SGK1: variants seen among roughly 807,000 people sequenced by gnomAD.
SGK1 encodes serum/glucocorticoid regulated kinase 1.
A neutral mutation model predicts 64.2 loss-of-function variants in SGK1; 26 were observed. The ratio of observed to expected loss-of-function variants is 0.40; its 90% CI spans 0.30 to 0.56. The LOEUF is 0.56. Ranked by LOEUF, SGK1 falls within the 20% of genes least tolerant of loss-of-function variation. SGK1 has a pLI of 0.38. For synonymous variants in SGK1, 265 were observed against 239.7 expected (o/e 1.11, Z -0.98); for missense variants, 519 against 645.6 (o/e 0.80, Z 2.12).
At chr6:134,250,476 G>A (rs573118736) in intron 2 of SGK1, among the ~76,000 whole-genome samples, 1 of 152,230 alleles carries the variant, frequency 6.6e-6, no homozygotes, top group Admixed American at 6.5e-5. Flanking sequence ...AAGACAAGGG[G>A]ATCTAACATC....
intron 2 of SGK1, among the ~76,000 whole-genome samples, chr6:134,246,358 T>C (rs78179581): frequency 0.082 from 12,353 of 151,426 alleles, 828 homozygotes; most frequent in East Asian, 0.26. Flanking sequence ...GGTTTCACCA[T>C]GTTGTTAGGG....
At chr6:134,304,160 G>A (rs1777500128) in intron 1 of SGK1, among the ~76,000 whole-genome samples, 1 of 152,180 alleles carries the variant, frequency 6.6e-6, no homozygotes, top group Non-Finnish European at 1.5e-5. Flanking sequence ...TTCTGGCTCA[G>A]CTCAACCACC....
chr6:134,279,032 A>C (rs888627543), intron 1 of SGK1, among the ~76,000 whole-genome samples: 2 of 152,224 alleles, frequency 1.3e-5, no homozygotes, highest in African/African-American at 4.8e-5. Context: ...TAGGCAAGGT[A>C]GTGAGACTTC....
At chr6:134,270,950 A>G (rs1776930677) in intron 1 of SGK1, among the ~76,000 whole-genome samples, 1 of 141,354 alleles carries the variant, frequency 7.1e-6, no homozygotes, top group Non-Finnish European at 1.6e-5. Flanking sequence ...AGTGTTAAAT[A>G]GATAAAGTGC....
At chr6:134,172,051 A>T in intron 10 of SGK1, 142 bp downstream of exon 10, 1 of 961,274 alleles carries the variant, frequency 1.0e-6, no homozygotes. Context: ...TACATCAAAC[A>T]GCAAATGTAT....
intron 2 of SGK1, among the ~76,000 whole-genome samples, chr6:134,228,868 G>T (rs777014256): frequency 3.5e-5 from 5 of 141,464 alleles, no homozygotes; most frequent in Non-Finnish European, 7.5e-5. Flanking sequence ...TTTTGAGACG[G>T]AGTCTCGCTC....
intron 1 of SGK1, 37 bp from the exon 2 acceptor site, chr6:134,262,185 T>C (rs1016554651): frequency 7.0e-7 from 1 of 1,427,118 alleles, no homozygotes; most frequent in Non-Finnish European, 9.6e-7. Context: ...ACAAATGTGT[T>C]TGACTCCCTT....
At chr6:134,186,855 C>T (rs974344476) in intron 3 of SGK1, among the ~76,000 whole-genome samples, 10 of 150,876 alleles carry the variant, frequency 6.6e-5, no homozygotes, top group South Asian at 2.1e-4. Context: ...CTCACTGTGT[C>T]GCCCAGGCTG....
At position 134,170,053 on chromosome 6, in the gene SGK1, G is replaced by C. The variant is rs866641295; in HGVS notation, c.*215C>G. ...TCGTTTCAGAGATAGCACCACGTTG[G>C]AAGGAAGAATAAAAATGAAAACCTC... On this transcript the variant is annotated 3_prime_UTR_variant, in exon 14 of 14. Coordinates refer to ENST00000367858, the MANE Select transcript of SGK1 (RefSeq NM_001143676.3). 19 of 382,942 alleles carry C rather than the reference G, an allele frequency of 5.0e-5. No homozygotes were observed. The South Asian group carries it at 1.2e-3, about 25-fold the overall frequency. The allele number at this position is 382,942 out of a possible 1,614,324, so 23.7% of individuals were successfully genotyped here.
At chr6:134,244,678 G>A (rs146346715) in intron 2 of SGK1, among the ~76,000 whole-genome samples, 1 of 152,288 alleles carries the variant, frequency 6.6e-6, no homozygotes, top group African/African-American at 2.4e-5. Context: ...AGATGAACCA[G>A]GTACCTCAGT....
chr6:134,175,427 T>A, intron 3 of SGK1: 1 of 1,309,488 alleles, frequency 7.6e-7, no homozygotes, highest in South Asian at 2.0e-5. Context: ...CGCCAGGTCC[T>A]CCCGTTCCCG....
intron 3 of SGK1, chr6:134,177,843 G>A (rs1326695812): frequency 3.1e-6 from 5 of 1,603,978 alleles, no homozygotes; most frequent in Non-Finnish European, 3.4e-6. Context: ...GCCAGAGACG[G>A]CTATCCCTGT....
intron 2 of SGK1, among the ~76,000 whole-genome samples, chr6:134,228,239 G>A (rs898898691): frequency 2.6e-5 from 4 of 152,126 alleles, no homozygotes; most frequent in Non-Finnish European, 4.4e-5. Context: ...ACTGGCATAA[G>A]CCACTGCACC....
rs1394624046 is a variant in SGK1 at position 134,248,423 on chromosome 6, A to G, written c.285+13510T>C. On this transcript the variant is annotated intron_variant, in intron 2 of 13. Coordinates refer to ENST00000367858, the MANE Select transcript of SGK1 (RefSeq NM_001143676.3). ...GATGACACACATGCAGAAGCATCTT[A>G]GAAACACCTGCTCTCCTCCGCCTTT... Among the ~76,000 whole-genome samples, 3 of 145,128 alleles carry G rather than the reference A, an allele frequency of 2.1e-5. No individual in the cohort carries two copies. In the East Asian group the frequency reaches 6.6e-4, roughly 32 times the overall value.
chr6:134,197,863 T>A (rs1407635413), intron 3 of SGK1, among the ~76,000 whole-genome samples: 5 of 140,064 alleles, frequency 3.6e-5, no homozygotes, highest in South Asian at 2.3e-4. Flanking sequence ...TAAAATTAAA[T>A]TAAAATAAAA....
chr6:134,285,116 G>A (rs1005557355), intron 1 of SGK1, among the ~76,000 whole-genome samples: 7 of 151,918 alleles, frequency 4.6e-5, no homozygotes, highest in African/African-American at 1.7e-4. Flanking sequence ...TTTCTCTACT[G>A]TTTTCCATAG....
At chr6:134,288,440 G>C (rs1777217127) in intron 1 of SGK1, among the ~76,000 whole-genome samples, 1 of 152,184 alleles carries the variant, frequency 6.6e-6, no homozygotes, top group Non-Finnish European at 1.5e-5. Context: ...TGGAGAAAAA[G>C]CCTGTTTAAA....
At chr6:134,175,263 G>C (rs986459520) in intron 3 of SGK1, among the ~76,000 whole-genome samples, 10 of 152,086 alleles carry the variant, frequency 6.6e-5, no homozygotes, top group Admixed American at 5.9e-4. Flanking sequence ...CGGCGGCCAC[G>C]GTGGCTTCGC....
At chr6:134,289,177 G>A (rs570044227) in intron 1 of SGK1, among the ~76,000 whole-genome samples, 21 of 152,242 alleles carry the variant, frequency 1.4e-4, no homozygotes, top group African/African-American at 4.8e-4. Context: ...GCCTTCATAG[G>A]GGCTGGAAAA....
Sources: gnomAD v4.1 joint callset for allele counts (sites outside exome capture counted in the v4.1 genomes callset) on GRCh38, gnomAD v4.1.1 for gene constraint, MANE v1.5 for transcripts, NCBI Gene and HGNC (gene_info 2026-07-23, HGNC 2026-07-21) for gene names.